The following ERN1 variants were observed in gnomAD, a reference collection of about 807,000 sequenced individuals.
ERN1 encodes the protein serine/threonine-protein kinase/endoribonuclease IRE1.
Under a neutral mutation model 113.1 loss-of-function variants are expected in ERN1, and 39 were observed. That is an observed-to-expected ratio of 0.34 (90% CI 0.27 to 0.45). ERN1 has a LOEUF of 0.45. ERN1 is among the 20% of genes least tolerant of loss of function. The pLI is 1.00. For synonymous variants in ERN1, 507 were observed against 515.9 expected (o/e 0.98, Z 0.23); for missense variants, 976 against 1,274.8 (o/e 0.77, Z 3.57).
chr17:64,047,782 T>A (rs557443598), intron 19 of ERN1, 76 bp downstream of exon 19: 1 of 1,376,288 alleles, frequency 7.3e-7, no homozygotes, highest in Admixed American at 2.3e-5. Flanking sequence ...TATTTTATTC[T>A]TTGTCCTTTT....
At chr17:64,074,373 G>A (rs1405749160) in intron 5 of ERN1, among the ~76,000 whole-genome samples, 1 of 152,080 alleles carries the variant, frequency 6.6e-6, no homozygotes, top group Admixed American at 6.5e-5. Flanking sequence ...CCCAGGTCAC[G>A]GCCCACAGAG....
At chr17:64,052,714 G>C in intron 17 of ERN1, 66 bp downstream of exon 17, 6 of 1,466,834 alleles carry the variant, frequency 4.1e-6, no homozygotes, top group Non-Finnish European at 5.6e-6. Flanking sequence ...GAATTTAAAG[G>C]TTCTACTCCT....
intron 17 of ERN1, among the ~76,000 whole-genome samples, chr17:64,051,624 A>G (rs1344482558): frequency 6.6e-6 from 1 of 152,228 alleles, no homozygotes; most frequent in Admixed American, 6.5e-5. Context: ...GCATCCTATA[A>G]CCCACTGCCT....
At chr17:64,095,053 G>A (rs758696197) in intron 2 of ERN1, among the ~76,000 whole-genome samples, 1 of 152,110 alleles carries the variant, frequency 6.6e-6, no homozygotes. Flanking sequence ...TTTAATCTTT[G>A]TATAGAAATA....
At chr17:64,068,660 C>T (rs1913315649) in intron 6 of ERN1, among the ~76,000 whole-genome samples, 2 of 152,184 alleles carry the variant, frequency 1.3e-5, no homozygotes, top group African/African-American at 4.8e-5. Flanking sequence ...CCATAACAAA[C>T]ACCTAAAACA....
intron 1 of ERN1, chr17:64,102,699 A>T: frequency 3.0e-6 from 3 of 985,448 alleles, no homozygotes; most frequent in Non-Finnish European, 3.6e-6. Flanking sequence ...GCTGCTTCAC[A>T]AAGATGAACT....
intron 2 of ERN1, among the ~76,000 whole-genome samples, chr17:64,095,063 A>T (rs998807208): frequency 6.6e-6 from 1 of 152,256 alleles, no homozygotes; most frequent in African/African-American, 2.4e-5. Flanking sequence ...GTATAGAAAT[A>T]TAAGTCAAGG....
At chr17:64,061,798 C>T (rs1417110012) in intron 10 of ERN1, among the ~76,000 whole-genome samples, 5 of 152,214 alleles carry the variant, frequency 3.3e-5, no homozygotes, top group South Asian at 2.1e-4. Context: ...AAGAGACCTA[C>T]GGTCTAAGAA....
intron 1 of ERN1, chr17:64,102,667 T>C: frequency 1.0e-6 from 1 of 985,410 alleles, no homozygotes; most frequent in Non-Finnish European, 1.2e-6. Context: ...TGAGAACTAT[T>C]TGTACCTGAA....
chr17:64,040,991 A>T lies in ERN1; in HGVS notation c.*2997T>A, dbSNP rs1276538463. ...AAACCCCGTCTCTACTAAAAAAAAT[A>T]TAAAAAATTAGCCGAGCGTGGTGGC... is the stretch of plus-strand genomic sequence containing the variant. On this transcript the variant is annotated 3_prime_UTR_variant, in exon 22 of 22. Coordinates refer to ENST00000433197, the MANE Select transcript of ERN1 (RefSeq NM_001433.5). 2 of 151,804 alleles carry T rather than the reference A, an allele frequency of 1.3e-5. No homozygotes were observed. The highest frequency in any genetic ancestry group is 2.9e-5 in the Non-Finnish European group (2 of 67,864). The allele number at this position is 151,804 out of a possible 1,614,324, so 9.4% of individuals were successfully genotyped here.
At chr17:64,072,864 T>A (rs184847798) in intron 5 of ERN1, among the ~76,000 whole-genome samples, 204 of 152,366 alleles carry the variant, frequency 1.3e-3, no homozygotes, top group Admixed American at 2.3e-3. Context: ...ACAGTCACTG[T>A]GATGCGTGTA....
At chr17:64,070,701 G>A (rs1243093572) in intron 6 of ERN1, among the ~76,000 whole-genome samples, 1 of 152,198 alleles carries the variant, frequency 6.6e-6, no homozygotes, top group African/African-American at 2.4e-5. Flanking sequence ...CTGCCTGAAA[G>A]TTTAGACCTA....
Position 64,098,261 on chromosome 17 carries a change from A to G in ERN1, c.55-20T>C. 3 of 1,613,614 alleles carry G rather than the reference A, an allele frequency of 1.9e-6. No homozygotes were observed. The highest frequency in any genetic ancestry group is 2.5e-6 in the Non-Finnish European group (3 of 1,179,718). On this transcript the variant is annotated intron_variant, in intron 1 of 21. Transcript: ENST00000433197. Reference sequence around the variant, plus strand: ...AAAAATCTGCAACGAGATGTAGAAGACTCTTAATGTTGATATGATTCTTCA... The same window carrying G: ...AAAAATCTGCAACGAGATGTAGAAGGCTCTTAATGTTGATATGATTCTTCA...
At chr17:64,099,144 T>C (rs1172316607) in intron 1 of ERN1, among the ~76,000 whole-genome samples, 5 of 152,214 alleles carry the variant, frequency 3.3e-5, no homozygotes, top group African/African-American at 7.2e-5. Flanking sequence ...TAAAGACATA[T>C]GTTCAGTGAA....
At position 64,066,940 on chromosome 17, in the gene ERN1, G is replaced by T. The variant is rs767635796; in HGVS notation, c.581-8C>A. 5.6e-6 allele frequency: 9 copies of T among 1,605,392 alleles called. No homozygotes were observed. The highest frequency in any genetic ancestry group is 7.7e-6 in the Non-Finnish European group (9 of 1,173,192). On this transcript the variant is annotated splice_region_variant and splice_polypyrimidine_tract_variant and intron_variant, in intron 7 of 21. Coordinates refer to ENST00000433197, the MANE Select transcript of ERN1 (RefSeq NM_001433.5). The stretch of plus-strand genomic sequence containing the variant: ...ACACAAAGTGGGACATCTCTGTACA[G>T]ATCAAATAAACAAAGCATGCTGAGT...
chr17:64,117,350 C>T (rs551594707), intron 1 of ERN1, among the ~76,000 whole-genome samples: 186 of 145,210 alleles, frequency 1.3e-3, no homozygotes, highest in Non-Finnish European at 1.5e-3. Flanking sequence ...GGCTGAAGCA[C>T]GAAAATCACT....
Position 64,119,376 on chromosome 17 carries a change from G to GTTGTTTTTTGTT in ERN1, c.54+10599_54+10600insAACAAAAAACAA, listed in dbSNP as rs777806993. On this transcript the variant is annotated intron_variant, in intron 1 of 21. Transcript: ENST00000433197. Reference sequence around the variant, plus strand: ...TAATATTAGGTTCCTTTTTTTCTAGGTTTTTTTTTTTTTTTTTTTTTTTTT... The same window carrying GTTGTTTTTTGTT: ...TAATATTAGGTTCCTTTTTTTCTAGGTTGTTTTTTGTTTTTTTTTTTTTTTTTTTTTTTTTTT... Among the ~76,000 whole-genome samples the GTTGTTTTTTGTT allele has an allele frequency of 4.4e-4, 34 of 77,892 alleles. 1 individual carries two copies. Among genetic ancestry groups the GTTGTTTTTTGTT allele is most frequent in the African/African-American group, 1.8e-3 (33 of 17,926 alleles). The allele number at this position is 77,892 out of a possible 152,430, so 51.1% of individuals were successfully genotyped here. A position where few individuals can be genotyped will look rare whatever the true frequency, so the allele number is the denominator to read the frequency against.
chr17:64,065,407 G>A, intron 8 of ERN1, 120 bp from the exon 9 acceptor site: 1 of 684,792 alleles, frequency 1.5e-6, no homozygotes, highest in Non-Finnish European at 2.5e-6. Context: ...CCCAGACATG[G>A]AGGAACGCAG....
intron 4 of ERN1, among the ~76,000 whole-genome samples, chr17:64,075,563 G>C (rs1913566711): frequency 6.6e-6 from 1 of 152,098 alleles, no homozygotes; most frequent in South Asian, 2.1e-4. Context: ...CTCCCAAGTA[G>C]CTGGGATTAC....
Sources: allele counts gnomAD v4.1 joint callset (sites outside exome capture counted in the v4.1 genomes callset), GRCh38; gene constraint gnomAD v4.1.1; transcripts MANE v1.5; gene names NCBI Gene and HGNC (gene_info 2026-07-23, HGNC 2026-07-21).